The following ARHGEF7 variants were observed in gnomAD, a reference collection of about 807,000 sequenced individuals.
The protein encoded by ARHGEF7 is PAK-interacting exchange factor beta.
Under a neutral mutation model 109.8 loss-of-function variants are expected in ARHGEF7, and 33 were observed. The observed-to-expected ratio is 0.30, with a 90% CI of 0.23 to 0.40. The LOEUF (loss-of-function observed/expected upper bound fraction) is 0.40. Among genes scored for constraint, ARHGEF7 ranks in the 10% least tolerant of loss-of-function variants. The pLI, the probability that ARHGEF7 is intolerant of heterozygous loss-of-function variation, is 1.00. For synonymous variants in ARHGEF7, 458 were observed against 424.6 expected (o/e 1.08, Z -0.97); for missense variants, 938 against 1,098.5 (o/e 0.85, Z 2.07).
chr13:111,270,782 A>C (rs1351630109), intron 9 of ARHGEF7, among the ~76,000 whole-genome samples: 1 of 152,222 alleles, frequency 6.6e-6, no homozygotes, highest in African/African-American at 2.4e-5. Flanking sequence ...AGTATCATAA[A>C]GTTTGATTTT....
intron 7 of ARHGEF7, 86 bp downstream of exon 7, chr13:111,244,052 A>T: frequency 7.6e-7 from 1 of 1,311,964 alleles, no homozygotes; most frequent in Non-Finnish European, 1.1e-6. Flanking sequence ...AGAGGGTTAA[A>T]TAGTGAAACA....
intron 1 of ARHGEF7, among the ~76,000 whole-genome samples, chr13:111,142,284 A>G (rs2075382046): frequency 1.3e-5 from 1 of 75,034 alleles, no homozygotes; most frequent in Admixed American, 1.4e-4. Flanking sequence ...TCTCTCAAGG[A>G]CTTCGGCTTT....
chr13:111,244,869 G>A (rs915670859), intron 8 of ARHGEF7, among the ~76,000 whole-genome samples: 3 of 152,186 alleles, frequency 2.0e-5, no homozygotes, highest in African/African-American at 7.2e-5. Flanking sequence ...TATTCTTGTA[G>A]CGTAAAAATC....
At chr13:111,219,256 T>G (rs1365858684) in intron 5 of ARHGEF7, among the ~76,000 whole-genome samples, 1 of 152,228 alleles carries the variant, frequency 6.6e-6, no homozygotes, top group Non-Finnish European at 1.5e-5. Flanking sequence ...GTAAGTGCAG[T>G]CATTTTGTCT....
intron 18 of ARHGEF7, 36 bp from the exon 19 acceptor site, chr13:111,292,082 G>T: frequency 1.9e-6 from 3 of 1,587,248 alleles, no homozygotes; most frequent in Non-Finnish European, 2.6e-6. Context: ...CTCACCCCCT[G>T]CCTGTCGCGC....
At chr13:111,300,907 T>G in intron 20 of ARHGEF7, 60 bp downstream of exon 20, 1 of 1,056,802 alleles carries the variant, frequency 9.5e-7, no homozygotes, top group Non-Finnish European at 1.4e-6. Context: ...GGTAGTAGAG[T>G]CCAGACAACT....
At chr13:111,118,857 A>T (rs2066982150) in intron 1 of ARHGEF7, among the ~76,000 whole-genome samples, 1 of 152,238 alleles carries the variant, frequency 6.6e-6, no homozygotes, top group African/African-American at 2.4e-5. Context: ...TGTGTGTCCC[A>T]GGAGAACAGA....
intron 1 of ARHGEF7, among the ~76,000 whole-genome samples, chr13:111,137,250 G>C (rs1169121377): frequency 1.3e-5 from 2 of 152,192 alleles, no homozygotes; most frequent in African/African-American, 2.4e-5. Flanking sequence ...TGTATGAGGA[G>C]AATCTGCTTT....
intron 21 of ARHGEF7, 64 bp downstream of exon 21, chr13:111,301,596 C>T (rs949940414): frequency 7.2e-7 from 1 of 1,396,062 alleles, no homozygotes; most frequent in Non-Finnish European, 1.0e-6. Flanking sequence ...AAGAAAATTA[C>T]ATTAAAAATA....
chr13:111,210,149 G>A, intron 4 of ARHGEF7, 147 bp downstream of exon 4: 4 of 1,040,080 alleles, frequency 3.8e-6, no homozygotes, highest in Non-Finnish European at 5.6e-6. Context: ...CCTGTAATCT[G>A]GTTTGGCATT....
At chr13:111,139,533 C>G (rs189389598) in intron 1 of ARHGEF7, among the ~76,000 whole-genome samples, 69 of 152,392 alleles carry the variant, frequency 4.5e-4, no homozygotes, top group African/African-American at 1.4e-3. Context: ...AAACCTGTGG[C>G]TCTTGTGGGT....
chr13:111,172,146 C>T (rs79738919), intron 2 of ARHGEF7, among the ~76,000 whole-genome samples: 1,936 of 152,238 alleles, frequency 0.013, 21 homozygotes, highest in Non-Finnish European at 0.02. Context: ...ACTCTAAATA[C>T]GTAAGTAGCT....
intron 2 of ARHGEF7, among the ~76,000 whole-genome samples, chr13:111,195,747 C>T (rs1012451449): frequency 6.6e-6 from 1 of 152,182 alleles, no homozygotes; most frequent in African/African-American, 2.4e-5. Context: ...TCTCGTTGGA[C>T]AGTCTTTTTT....
At chr13:111,270,979 GC>G (rs1317805653) in intron 9 of ARHGEF7, among the ~76,000 whole-genome samples, 6 of 152,344 alleles carry the variant, frequency 3.9e-5, no homozygotes, top group African/African-American at 1.2e-4. Flanking sequence ...GGAACAGGCT[GC>G]CCGTGGTCAG....
chr13:111,176,523 G>C (rs939447352), intron 2 of ARHGEF7, among the ~76,000 whole-genome samples: 1 of 152,094 alleles, frequency 6.6e-6, no homozygotes, highest in Non-Finnish European at 1.5e-5. Flanking sequence ...ACTGTGTGCT[G>C]TGCCCTGTGG....
intron 8 of ARHGEF7, among the ~76,000 whole-genome samples, chr13:111,259,392 C>A (rs1480344723): frequency 6.6e-6 from 1 of 152,166 alleles, no homozygotes; most frequent in Non-Finnish European, 1.5e-5. Context: ...CACACACACA[C>A]CCCTCTCTCT....
At position 111,254,008 on chromosome 13, in the gene ARHGEF7, C is replaced by T. The variant is rs1318198444; in HGVS notation, c.950+9714C>T. ...CTACCTGGGAGATCACAGGATGCCA[C>T]GCCTGTGGAGGACTGTGAGGGAAGC... On this transcript the variant is annotated intron_variant, in intron 8 of 21. Transcript: ENST00000646102. Among the ~76,000 whole-genome samples, 8 of 152,168 alleles carry T rather than the reference C, an allele frequency of 5.3e-5. No individual in the cohort carries two copies. In the East Asian group the frequency reaches 7.7e-4, roughly 15 times the overall value.
chr13:111,238,918 A>G (rs935038647), intron 6 of ARHGEF7, among the ~76,000 whole-genome samples: 1 of 152,186 alleles, frequency 6.6e-6, no homozygotes, highest in Non-Finnish European at 1.5e-5. Context: ...TGGGCAATTT[A>G]TAAAGAAAAG....
At chr13:111,175,031 T>A (rs1351844698) in intron 2 of ARHGEF7, among the ~76,000 whole-genome samples, 2 of 152,266 alleles carry the variant, frequency 1.3e-5, no homozygotes, top group Non-Finnish European at 2.9e-5. Context: ...GACTCTTCCC[T>A]GTTTTAAGTT....
Sources: allele counts gnomAD v4.1 joint callset (sites outside exome capture counted in the v4.1 genomes callset), GRCh38; gene constraint gnomAD v4.1.1; transcripts MANE v1.5; gene names NCBI Gene and HGNC (gene_info 2026-07-23, HGNC 2026-07-21).